PRKCH: variants seen among roughly 807,000 people sequenced by gnomAD.
PRKCH encodes the protein protein kinase C eta type.
PRKCH carries 28 observed loss-of-function variants against 82.5 expected under a neutral mutation model. The ratio of observed to expected loss-of-function variants is 0.34; its 90% CI spans 0.25 to 0.47. PRKCH has a LOEUF of 0.47. Ranked by LOEUF, PRKCH falls within the 20% of genes least tolerant of loss-of-function variation. The pLI, the probability that PRKCH is intolerant of heterozygous loss-of-function variation, is 1.00. For missense variants in PRKCH, 705 were observed against 881.8 expected (o/e 0.80, Z 2.54); for synonymous variants, 322 against 327.4 (o/e 0.98, Z 0.18).
In PRKCH at chr14:61,449,102, G is replaced by A. The variant is rs1884365824; in HGVS notation, c.614-62G>A. ...GCACGGTGCAGCCCTGGTTGACTCT[G>A]CTGTAACTGGCTGGACTGTGAGCTT... On this transcript the variant is annotated intron_variant, in intron 4 of 13. Transcript: ENST00000332981. 2.7e-6 allele frequency: 4 copies of A among 1,496,392 alleles called. No homozygotes were observed. In the South Asian group the frequency reaches 4.5e-5, roughly 17 times the overall value. 92.7% of individuals were successfully genotyped at this position (1,496,392 alleles called of 1,614,324 possible).
intron 1 of PRKCH, among the ~76,000 whole-genome samples, chr14:61,382,484 A>T (rs1014730240): frequency 1.1e-4 from 17 of 151,652 alleles, no homozygotes; most frequent in African/African-American, 4.1e-4. Context: ...ATACAATCTC[A>T]TTTTTCCTGT....
At chr14:61,453,120 T>C in intron 6 of PRKCH, 106 bp from the exon 7 acceptor site, 1 of 1,379,916 alleles carries the variant, frequency 7.2e-7, no homozygotes, top group South Asian at 1.2e-5. Flanking sequence ...GTTCAGCCGG[T>C]ATAATTCCTC....
At chr14:61,203,531 T>G (rs780614406) in intron 1 of PRKCH, among the ~76,000 whole-genome samples, 2 of 152,106 alleles carry the variant, frequency 1.3e-5, no homozygotes, top group African/African-American at 2.4e-5. Flanking sequence ...TTATGAACAC[T>G]AGGGAGCTCT....
intron 12 of PRKCH, among the ~76,000 whole-genome samples, chr14:61,532,601 TAGGACA>T (rs2043054802): frequency 6.6e-6 from 1 of 152,102 alleles, no homozygotes; most frequent in Admixed American, 6.6e-5. Context: ...GCCTAGAACC[TAGGACA>T]AGTACTAAGC....
chr14:61,443,799 A>G (rs1304295198), intron 3 of PRKCH, among the ~76,000 whole-genome samples: 6 of 152,248 alleles, frequency 3.9e-5, no homozygotes, highest in Non-Finnish European at 8.8e-5. Flanking sequence ...GAGAAATTCT[A>G]GAGATTTGGG....
At chr14:61,509,387 G>A (rs1088681) in intron 10 of PRKCH, among the ~76,000 whole-genome samples, 1 of 151,934 alleles carries the variant, frequency 6.6e-6, no homozygotes, top group Admixed American at 6.5e-5. Context: ...ACTTCTTCAC[G>A]ATTGAGTTAC....
rs79161682 is a variant in PRKCH, at chr14:61,232,982, T to C, written c.-19+45314T>C. On this transcript the variant is annotated intron_variant, in intron 1 of 3. Transcript: ENST00000555185. ...AAACAGAGACCAAATATATATTTCA[T>C]AGTATCATTGTCCACCCCTACTCTT... is the stretch of plus-strand genomic sequence containing the variant. Among the ~76,000 whole-genome samples the C allele has an allele frequency of 5.3e-3, 808 of 152,274 alleles. 13 individuals carry two copies. The highest frequency in any genetic ancestry group is 0.019 in the African/African-American group (777 of 41,550).
chr14:61,380,750 A>T (rs997309417), intron 1 of PRKCH, among the ~76,000 whole-genome samples: 3 of 152,184 alleles, frequency 2.0e-5, no homozygotes, highest in Non-Finnish European at 4.4e-5. Context: ...CACACATAAC[A>T]CTAGAGCACA....
intron 1 of PRKCH, among the ~76,000 whole-genome samples, chr14:61,269,186 A>T (rs2045129733): frequency 6.6e-6 from 1 of 152,184 alleles, no homozygotes; most frequent in African/African-American, 2.4e-5. Context: ...GTTTTTTTAG[A>T]GAAAAAAGAA....
At chr14:61,216,198 C>T (rs1290694912) in intron 1 of PRKCH, among the ~76,000 whole-genome samples, 1 of 152,142 alleles carries the variant, frequency 6.6e-6, no homozygotes, top group Non-Finnish European at 1.5e-5. Flanking sequence ...GGCACAGTGG[C>T]TCATGCCTGT....
intron 1 of PRKCH, among the ~76,000 whole-genome samples, chr14:61,238,116 A>C (rs149173225): frequency 6.6e-6 from 1 of 152,390 alleles, no homozygotes; most frequent in East Asian, 1.9e-4. Context: ...AACTTAAACT[A>C]TGTAAGTAGG....
rs532775749 is a variant in PRKCH, at chr14:61,333,705, T to G, written c.363+11241T>G. ...TTGAGGTTTGCAGTAGATGAAAACT[T>G]AAAAAAACAAAACTAGGACAGTTTG... On this transcript the variant is annotated intron_variant, in intron 1 of 13. Transcript: ENST00000332981. Among the ~76,000 whole-genome samples the G allele has an allele frequency of 5.3e-5, 8 of 152,256 alleles. No individual in the cohort carries two copies. The South Asian group carries it at 1.0e-3, about 20-fold the overall frequency.
At chr14:61,500,566 G>A (rs996298578) in intron 10 of PRKCH, among the ~76,000 whole-genome samples, 1 of 151,942 alleles carries the variant, frequency 6.6e-6, no homozygotes, top group African/African-American at 2.4e-5. Flanking sequence ...TAATTGGTGT[G>A]GTGATCTCAA....
At chr14:61,506,399 G>A (rs1391284276) in intron 10 of PRKCH, among the ~76,000 whole-genome samples, 1 of 152,126 alleles carries the variant, frequency 6.6e-6, no homozygotes, top group Non-Finnish European at 1.5e-5. Flanking sequence ...TCTGATTGAA[G>A]TCAGGGGGGT....
rs1594844552 is a variant in PRKCH, at chr14:61,191,226, G to C, written c.-19+3558G>C. On this transcript the variant is annotated intron_variant, in intron 1 of 3. Transcript: ENST00000555185. ...TCCGTGAAAGTGAGAGGAGGGAATG[G>C]GTTTGTTATTGTAGCTATGACAATC... Among the ~76,000 whole-genome samples the C allele has an allele frequency of 2.0e-5, 3 of 152,244 alleles. No individual in the cohort carries two copies. In the South Asian group the frequency reaches 6.2e-4, roughly 32 times the overall value.
intron 1 of PRKCH, among the ~76,000 whole-genome samples, chr14:61,272,340 CTTTCTTTT>C (rs1157385084): frequency 0.013 from 1,310 of 97,788 alleles, 207 homozygotes; most frequent in Middle Eastern, 0.038. Context: ...TTTCTTTTTT[CTTTCTTTT>C]TTTTTTTTTT....
intron 1 of PRKCH, among the ~76,000 whole-genome samples, chr14:61,372,390 C>T (rs920217054): frequency 6.6e-6 from 1 of 152,078 alleles, no homozygotes; most frequent in Non-Finnish European, 1.5e-5. Context: ...TTAAGTTGAA[C>T]ATGAGTTCAT....
chr14:61,346,849 A>G (rs1215889391), intron 1 of PRKCH, among the ~76,000 whole-genome samples: 3 of 152,236 alleles, frequency 2.0e-5, no homozygotes, highest in Non-Finnish European at 4.4e-5. Flanking sequence ...ACTTCAACCA[A>G]ACAGCCATTA....
At chr14:61,247,346 A>T (rs946825909) in intron 1 of PRKCH, among the ~76,000 whole-genome samples, 2 of 152,048 alleles carry the variant, frequency 1.3e-5, no homozygotes, top group Non-Finnish European at 2.9e-5. Context: ...TATATGTTCA[A>T]TGTATACCTC....
Sources: allele counts gnomAD v4.1 joint callset (sites outside exome capture counted in the v4.1 genomes callset), GRCh38; gene constraint gnomAD v4.1.1; transcripts MANE v1.5; gene names NCBI Gene and HGNC (gene_info 2026-07-23, HGNC 2026-07-21).